PTPN14: variants seen among roughly 807,000 people sequenced by gnomAD.
PTPN14 encodes protein tyrosine phosphatase non-receptor type 14.
A neutral mutation model predicts 126.8 loss-of-function variants in PTPN14; 53 were observed. The ratio of observed to expected loss-of-function variants is 0.42; its 90% CI spans 0.34 to 0.53. The LOEUF (loss-of-function observed/expected upper bound fraction) is 0.53. PTPN14 is among the 20% of genes least tolerant of loss of function. PTPN14 has a pLI of 0.08. For synonymous variants in PTPN14, 630 were observed against 599.3 expected (o/e 1.05, Z -0.75); for missense variants, 1,257 against 1,552.9 (o/e 0.81, Z 3.20).
intron 1 of PTPN14, among the ~76,000 whole-genome samples, chr1:214,490,752 A>G (rs1352445736): frequency 6.7e-6 from 1 of 148,658 alleles, no homozygotes; most frequent in African/African-American, 2.5e-5. Context: ...CAGAAGAATC[A>G]CTTGAACCCG....
chr1:214,527,762 T>C (rs1571648086), intron 1 of PTPN14, among the ~76,000 whole-genome samples: 1 of 152,142 alleles, frequency 6.6e-6, no homozygotes, highest in East Asian at 1.9e-4. Context: ...ATCTGTAAGG[T>C]GGTAGAGAAA....
intron 2 of PTPN14, among the ~76,000 whole-genome samples, chr1:214,455,112 A>G (rs756026108): frequency 1.3e-5 from 2 of 152,176 alleles, no homozygotes; most frequent in African/African-American, 2.4e-5. Context: ...CCACGTCTAC[A>G]CAGTGCCTCA....
chr1:214,369,197 T>C (rs759364672), intron 17 of PTPN14, among the ~76,000 whole-genome samples: 2 of 152,172 alleles, frequency 1.3e-5, no homozygotes, highest in Non-Finnish European at 2.9e-5. Context: ...ATTAAATGAG[T>C]AGCTAAAGGT....
intron 1 of PTPN14, among the ~76,000 whole-genome samples, chr1:214,535,711 G>A (rs377205413): frequency 2.6e-5 from 4 of 151,792 alleles, no homozygotes; most frequent in African/African-American, 7.3e-5. Context: ...CCTGGGAAGC[G>A]GAGGTTGCAG....
At chr1:214,535,654 C>A (rs944148012) in intron 1 of PTPN14, among the ~76,000 whole-genome samples, 1 of 151,976 alleles carries the variant, frequency 6.6e-6, no homozygotes, top group Non-Finnish European at 1.5e-5. Context: ...TGGCGCATGC[C>A]GGTAATCCCA....
At chr1:214,399,511 T>C (rs578112453) in intron 7 of PTPN14, among the ~76,000 whole-genome samples, 15 of 152,248 alleles carry the variant, frequency 9.9e-5, no homozygotes, top group South Asian at 2.1e-4. Context: ...ATTTGAAGAG[T>C]TGAATATTCT....
intron 1 of PTPN14, among the ~76,000 whole-genome samples, chr1:214,509,682 T>C (rs1435947269): frequency 1.3e-5 from 2 of 152,176 alleles, no homozygotes; most frequent in African/African-American, 4.8e-5. Flanking sequence ...TAAAGACACA[T>C]GCACATGTAT....
chr1:214,504,928 A>AAACCCCCC (rs1292434378), intron 1 of PTPN14, among the ~76,000 whole-genome samples: 1 of 152,198 alleles, frequency 6.6e-6, no homozygotes, highest in East Asian at 1.9e-4. Flanking sequence ...AGGTTGATCC[A>AAACCCCCC]AACCCCCAGT....
chr1:214,522,360 C>A (rs899941500), intron 1 of PTPN14, among the ~76,000 whole-genome samples: 1 of 152,158 alleles, frequency 6.6e-6, no homozygotes, highest in Non-Finnish European at 1.5e-5. Flanking sequence ...GAAGTAGGTA[C>A]AATCACTACC....
intron 1 of PTPN14, among the ~76,000 whole-genome samples, chr1:214,497,795 T>C (rs548628834): frequency 1.3e-5 from 2 of 152,150 alleles, no homozygotes; most frequent in African/African-American, 4.8e-5. Context: ...TATATATACA[T>C]GCATAGGAAA....
intron 12 of PTPN14, among the ~76,000 whole-genome samples, chr1:214,385,995 A>G (rs1658599642): frequency 6.6e-6 from 1 of 152,226 alleles, no homozygotes; most frequent in African/African-American, 2.4e-5. Context: ...CCAGGAGTTG[A>G]TAACGTAGAA....
chr1:214,465,876 G>A (rs1409833434), intron 1 of PTPN14, among the ~76,000 whole-genome samples: 1 of 40,962 alleles, frequency 2.4e-5, no homozygotes, highest in South Asian at 6.3e-4. Context: ...TTATTTTCAT[G>A]TCTTATGTTT....
intron 3 of PTPN14, among the ~76,000 whole-genome samples, chr1:214,440,595 C>T (rs1485270046): frequency 6.6e-6 from 1 of 152,198 alleles, no homozygotes; most frequent in Non-Finnish European, 1.5e-5. Context: ...TATACTCTCA[C>T]ACTCAGCTCA....
Position 214,465,076 on chromosome 1 carries a change from G to T in PTPN14, c.-154-119C>A, listed in dbSNP as rs5020617. On this transcript the variant is annotated intron_variant, in intron 1 of 18. Transcript: ENST00000366956. Reference sequence around the variant, plus strand: ...ACCCCGCCAAACAGATCAACACTCAGGTTTGATAAGCTGCAAGTTCTGGAG... The same window carrying T: ...ACCCCGCCAAACAGATCAACACTCATGTTTGATAAGCTGCAAGTTCTGGAG... 0.86 allele frequency: 326,589 copies of T among 378,070 alleles called. 142,617 individuals carry two copies. Among genetic ancestry groups the T allele is most frequent in the African/African-American group, 0.91 (44,562 of 48,702 alleles). 23.4% of individuals were successfully genotyped at this position (378,070 alleles called of 1,614,324 possible). A position where few individuals can be genotyped will look rare whatever the true frequency, so the allele number is the denominator to read the frequency against.
At chr1:214,521,224 A>T (rs1242143460) in intron 1 of PTPN14, among the ~76,000 whole-genome samples, 1 of 152,238 alleles carries the variant, frequency 6.6e-6, no homozygotes, top group African/African-American at 2.4e-5. Flanking sequence ...TTCTCATATA[A>T]ATGCATACAC....
intron 1 of PTPN14, among the ~76,000 whole-genome samples, chr1:214,549,521 T>C (rs1656052632): frequency 6.6e-6 from 1 of 152,188 alleles, no homozygotes; most frequent in African/African-American, 2.4e-5. Flanking sequence ...ATCATGCCAT[T>C]CAGCTCCCGC....
At chr1:214,418,101 A>G (rs4587540) in intron 3 of PTPN14, among the ~76,000 whole-genome samples, 111,846 of 152,048 alleles carry the variant, frequency 0.74, 41,299 homozygotes, top group Non-Finnish European at 0.77. Context: ...GAATGGAAGC[A>G]GGAAGTGATT....
intron 1 of PTPN14, among the ~76,000 whole-genome samples, chr1:214,486,599 G>C (rs1215622160): frequency 6.6e-6 from 1 of 152,150 alleles, no homozygotes; most frequent in Non-Finnish European, 1.5e-5. Context: ...AAAGTTGCTA[G>C]ACTACCCAGG....
chr1:214,395,384 G>T (rs1475989143), intron 8 of PTPN14, among the ~76,000 whole-genome samples: 1 of 151,964 alleles, frequency 6.6e-6, no homozygotes, highest in African/African-American at 2.4e-5. Context: ...CTAAATAGAA[G>T]AATCCACATA....
Sources: allele counts gnomAD v4.1 joint callset (sites outside exome capture counted in the v4.1 genomes callset), GRCh38; gene constraint gnomAD v4.1.1; transcripts MANE v1.5; gene names NCBI Gene and HGNC (gene_info 2026-07-23, HGNC 2026-07-21).